MTUS1: variants seen among roughly 807,000 people sequenced by gnomAD.
MTUS1 encodes the protein microtubule associated scaffold protein 1, also known as microtubule-associated tumor suppressor 1.
MTUS1 carries 109 observed loss-of-function variants against 120.8 expected under a neutral mutation model. That is an observed-to-expected ratio of 0.90 (90% CI 0.77 to 1.06). The LOEUF (loss-of-function observed/expected upper bound fraction) is 1.06, where lower values mean the gene tolerates loss of function less well. MTUS1 is among the 50% of genes least tolerant of loss of function. The pLI is 0.00. For synonymous variants in MTUS1, 737 were observed against 550.5 expected (o/e 1.34, Z -4.74); for missense variants, 2,210 against 1,486.3 (o/e 1.49, Z -8.01).
At chr8:17,716,230 G>A (rs1822302521) in intron 4 of MTUS1, among the ~76,000 whole-genome samples, 2 of 152,148 alleles carry the variant, frequency 1.3e-5, no homozygotes, top group African/African-American at 4.8e-5. Context: ...AATGCCCCAG[G>A]TGCAGCTAGG....
chr8:17,745,354 A>G (rs2904741), intron 2 of MTUS1, among the ~76,000 whole-genome samples: 55,956 of 152,000 alleles, frequency 0.37, 11,618 homozygotes, highest in South Asian at 0.55. Context: ...CATCTCCACG[A>G]TCATTACTTA....
At chr8:17,796,992 A>T (rs1372356454) in intron 1 of MTUS1, among the ~76,000 whole-genome samples, 1 of 150,478 alleles carries the variant, frequency 6.6e-6, no homozygotes, top group African/African-American at 2.4e-5. Flanking sequence ...CACACCTGTA[A>T]TCCCAGCTAC....
intron 6 of MTUS1, among the ~76,000 whole-genome samples, chr8:17,696,676 A>T (rs574941901): frequency 6.6e-6 from 1 of 152,022 alleles, no homozygotes; most frequent in Non-Finnish European, 1.5e-5. Context: ...ACAAACATAA[A>T]CCTCAGGGGA....
At chr8:17,667,830 A>C (rs1563166724) in intron 8 of MTUS1, among the ~76,000 whole-genome samples, 1 of 152,222 alleles carries the variant, frequency 6.6e-6, no homozygotes, top group Non-Finnish European at 1.5e-5. Context: ...TTTTTTATAA[A>C]TACAATGCAG....
At chr8:17,733,799 A>G (rs2046753044) in intron 3 of MTUS1, among the ~76,000 whole-genome samples, 1 of 152,178 alleles carries the variant, frequency 6.6e-6, no homozygotes, top group Non-Finnish European at 1.5e-5. Flanking sequence ...ATTCTGAGCC[A>G]TAACTCCTCT....
intron 6 of MTUS1, chr8:17,709,059 C>T (rs1428786831): frequency 1.3e-5 from 2 of 151,978 alleles, no homozygotes; most frequent in Non-Finnish European, 2.9e-5. Context: ...ACGGCGTGAA[C>T]CAGGGAGGCA....
intron 10 of MTUS1, 30 bp downstream of exon 10, chr8:17,654,529 TTC>T (rs1807774307): frequency 3.0e-6 from 4 of 1,341,886 alleles, no homozygotes; most frequent in East Asian, 2.3e-5. Flanking sequence ...TCAGATTTTA[TTC>T]TGTTTAAAGA....
In MTUS1 at chr8:17,754,693, G is replaced by A. The variant is rs772300890; in HGVS notation, c.1115C>T (p.Thr372Ile). The A allele has an allele frequency of 1.2e-5, 20 of 1,614,040 alleles. No homozygotes were observed. The highest frequency in any genetic ancestry group is 1.2e-4 in the South Asian group (11 of 91,086). ...GACCATTTGTGTGTCTTCAGTCTCA[G>A]TGACTTTATGCTCTGGGTTCAGCAC... ...AQVLNPEHKV[T>I]ETEDTQMVSK... Residue 372 changes from threonine (T) to isoleucine (I), a missense_variant, in exon 2 of 15, where the codon ACT becomes ATT. Transcript: ENST00000693296.
chr8:17,792,831 T>C (rs1173150659), intron 1 of MTUS1, among the ~76,000 whole-genome samples: 2 of 152,216 alleles, frequency 1.3e-5, no homozygotes, highest in African/African-American at 4.8e-5. Flanking sequence ...ACCACTGTCC[T>C]CCAGCCTGTG....
chr8:17,679,380 T>A (rs1024902857), intron 7 of MTUS1, among the ~76,000 whole-genome samples: 1 of 151,646 alleles, frequency 6.6e-6, no homozygotes, highest in Non-Finnish European at 1.5e-5. Flanking sequence ...TGTGTGTGTA[T>A]AAACACAGTA....
At chr8:17,787,680 G>A (rs973922863) in intron 1 of MTUS1, among the ~76,000 whole-genome samples, 11 of 152,328 alleles carry the variant, frequency 7.2e-5, no homozygotes, top group South Asian at 6.2e-4. Flanking sequence ...ATCTCATAGG[G>A]TCGTTTTAGA....
At chr8:17,789,224 G>A (rs1012017651) in intron 1 of MTUS1, among the ~76,000 whole-genome samples, 13 of 152,098 alleles carry the variant, frequency 8.5e-5, no homozygotes, top group African/African-American at 2.4e-4. Flanking sequence ...TAGATACAGG[G>A]TTTCTCCATT....
chr8:17,670,933 T>C (rs1252882429), intron 8 of MTUS1, among the ~76,000 whole-genome samples: 5 of 152,152 alleles, frequency 3.3e-5, no homozygotes, highest in African/African-American at 4.8e-5. Flanking sequence ...AATGAGAATC[T>C]AGTTCAGACA....
intron 1 of MTUS1, among the ~76,000 whole-genome samples, chr8:17,768,909 G>C (rs184777594): frequency 2.2e-3 from 341 of 152,170 alleles, no homozygotes; most frequent in Non-Finnish European, 4.1e-3. Context: ...TTACACTTCT[G>C]GAGTTTTCGG....
At chr8:17,748,542 G>A (rs370108338) in intron 2 of MTUS1, among the ~76,000 whole-genome samples, 1 of 152,168 alleles carries the variant, frequency 6.6e-6, no homozygotes, top group Non-Finnish European at 1.5e-5. Flanking sequence ...TGACACACCG[G>A]TGTCCATGGA....
chr8:17,797,935 C>G (rs947725476), intron 1 of MTUS1, among the ~76,000 whole-genome samples: 24 of 152,116 alleles, frequency 1.6e-4, no homozygotes, highest in African/African-American at 5.8e-4. Context: ...TCCCCCGCCC[C>G]CCCAAATAAA....
At chr8:17,729,910 C>T (rs1297417467) in intron 3 of MTUS1, among the ~76,000 whole-genome samples, 1 of 147,906 alleles carries the variant, frequency 6.8e-6, no homozygotes, top group African/African-American at 2.5e-5. Flanking sequence ...AGATGCTCAA[C>T]ATCACTAGTC....
At chr8:17,759,083 G>A (rs544963201) in intron 1 of MTUS1, among the ~76,000 whole-genome samples, 1 of 151,436 alleles carries the variant, frequency 6.6e-6, no homozygotes, top group Admixed American at 6.6e-5. Flanking sequence ...GTGTTCCACT[G>A]TGTTAGCCAG....
chr8:17,733,663 C>G (rs1489627644), intron 3 of MTUS1, among the ~76,000 whole-genome samples: 1 of 152,136 alleles, frequency 6.6e-6, no homozygotes, highest in Non-Finnish European at 1.5e-5. Context: ...TGACAAGAGG[C>G]TCTAGGTCAG....
Sources: allele counts gnomAD v4.1 joint callset (sites outside exome capture counted in the v4.1 genomes callset), GRCh38; gene constraint gnomAD v4.1.1; transcripts MANE v1.5; gene names NCBI Gene and HGNC (gene_info 2026-07-23, HGNC 2026-07-21).